The following BMPR1A variants were observed in gnomAD, a reference collection of about 807,000 sequenced individuals.
BMPR1A encodes the protein bone morphogenetic protein receptor type-1A.
Under a neutral mutation model 66.0 loss-of-function variants are expected in BMPR1A, and 7 were observed. That is an observed-to-expected ratio of 0.11 (90% CI 0.06 to 0.20). The LOEUF is 0.20. Ranked by LOEUF, BMPR1A falls within the 10% of genes least tolerant of loss-of-function variation. BMPR1A has a pLI of 1.00. For missense variants in BMPR1A, 408 were observed against 669.1 expected (o/e 0.61, Z 4.31); for synonymous variants, 200 against 229.7 (o/e 0.87, Z 1.17).
chr10:86,891,136 G>A (rs761311911), intron 4 of BMPR1A, among the ~76,000 whole-genome samples: 11 of 152,134 alleles, frequency 7.2e-5, no homozygotes, highest in Non-Finnish European at 1.3e-4. Context: ...GACGGTCATC[G>A]TGTCTTAGGT....
intron 1 of BMPR1A, among the ~76,000 whole-genome samples, chr10:86,826,290 C>T (rs1359240679): frequency 3.3e-5 from 5 of 151,958 alleles, no homozygotes; most frequent in African/African-American, 1.2e-4. Context: ...CATTTATTTT[C>T]TTCCCCAGAA....
intron 1 of BMPR1A, among the ~76,000 whole-genome samples, chr10:86,808,803 T>G (rs570285503): frequency 6.6e-6 from 1 of 152,332 alleles, no homozygotes; most frequent in East Asian, 1.9e-4. Flanking sequence ...GGTCAAACTT[T>G]GTCTGGTTTT....
At chr10:86,813,638 C>T (rs897570116) in intron 1 of BMPR1A, among the ~76,000 whole-genome samples, 6 of 152,164 alleles carry the variant, frequency 3.9e-5, no homozygotes, top group South Asian at 2.1e-4. Context: ...TCTTTGCATG[C>T]GCTCTCCATT....
chr10:86,881,311 GTAAA>G (rs1267204021), intron 3 of BMPR1A, among the ~76,000 whole-genome samples: 1 of 152,178 alleles, frequency 6.6e-6, no homozygotes, highest in Non-Finnish European at 1.5e-5. Context: ...TTGAAAACTG[GTAAA>G]TAGAGGGAGA....
At chr10:86,837,610 CAGA>C (rs1842371336) in intron 1 of BMPR1A, among the ~76,000 whole-genome samples, 2 of 152,176 alleles carry the variant, frequency 1.3e-5, no homozygotes, top group Non-Finnish European at 2.9e-5. Context: ...ATGAGCATCT[CAGA>C]AGAACACTGA....
At chr10:86,762,628 G>A (rs1228881635) in intron 1 of BMPR1A, among the ~76,000 whole-genome samples, 2 of 152,174 alleles carry the variant, frequency 1.3e-5, no homozygotes, top group African/African-American at 4.8e-5. Flanking sequence ...CAAAGTTCTG[G>A]GATTACAGGT....
intron 2 of BMPR1A, among the ~76,000 whole-genome samples, chr10:86,867,001 G>A (rs1842795259): frequency 1.3e-5 from 2 of 152,176 alleles, no homozygotes; most frequent in African/African-American, 4.8e-5. Context: ...ACAATGGGAT[G>A]CTAAGCAGGT....
At chr10:86,918,658 C>T (rs1843612175) in intron 9 of BMPR1A, among the ~76,000 whole-genome samples, 2 of 143,114 alleles carry the variant, frequency 1.4e-5, no homozygotes, top group African/African-American at 2.7e-5. Context: ...GAGTCTCATT[C>T]TGTCGCTCAG....
At chr10:86,917,085 A>C (rs1843581381) in intron 8 of BMPR1A, 49 bp from the exon 9 acceptor site, 1 of 1,597,530 alleles carries the variant, frequency 6.3e-7, no homozygotes, top group African/African-American at 1.3e-5. Context: ...GCCAGTCTTA[A>C]TGGGTTTCTT....
At chr10:86,858,434 A>G (rs1442957712) in intron 2 of BMPR1A, among the ~76,000 whole-genome samples, 2 of 152,168 alleles carry the variant, frequency 1.3e-5, no homozygotes, top group African/African-American at 4.8e-5. Context: ...GTGAAAGATG[A>G]AGACTGGAAG....
intron 11 of BMPR1A, 58 bp downstream of exon 11, chr10:86,921,753 GCTC>G: frequency 6.2e-7 from 1 of 1,608,960 alleles, no homozygotes. Context: ...AAAAATAACA[GCTC>G]CAGTTATATA....
intron 7 of BMPR1A, among the ~76,000 whole-genome samples, chr10:86,902,254 TG>T (rs1383905864): frequency 6.6e-6 from 1 of 152,228 alleles, no homozygotes; most frequent in African/African-American, 2.4e-5. Context: ...GTATTCATTT[TG>T]GGGGGCCTGT....
intron 2 of BMPR1A, chr10:86,856,061 C>T: frequency 1.7e-6 from 1 of 584,140 alleles, no homozygotes; most frequent in Non-Finnish European, 3.3e-6. Context: ...AACTCAGATG[C>T]TTCATAACAA....
intron 3 of BMPR1A, among the ~76,000 whole-genome samples, chr10:86,881,306 A>G (rs919268398): frequency 8.5e-5 from 13 of 152,202 alleles, no homozygotes; most frequent in African/African-American, 3.1e-4. Context: ...TAATTTTGAA[A>G]ACTGGTAAAT....
At chr10:86,848,006 A>G (rs1388916642) in intron 2 of BMPR1A, among the ~76,000 whole-genome samples, 2 of 151,104 alleles carry the variant, frequency 1.3e-5, no homozygotes, top group African/African-American at 2.4e-5. Context: ...ATCTTGGCTC[A>G]CTGCACCCTT....
rs1843708364 is a variant in BMPR1A, at chr10:86,924,147, T to C, written c.*428T>C. ...TTACCTGAGACTTTCAGTTCGTTTG[T>C]ATTCTACCTTTGTAAAACAGCCTAT... is the stretch of plus-strand genomic sequence containing the variant. On this transcript the variant is annotated 3_prime_UTR_variant, in exon 13 of 13. Coordinates refer to ENST00000372037, the MANE Select transcript of BMPR1A (RefSeq NM_004329.3). 5.7e-6 allele frequency: 2 copies of C among 348,300 alleles called. No individual in the cohort carries two copies. Among genetic ancestry groups the C allele is most frequent in the Non-Finnish European group, 1.1e-5 (2 of 187,904 alleles). The allele number at this position is 348,300 out of a possible 1,614,324, so 21.6% of individuals were successfully genotyped here. A position where few individuals can be genotyped will look rare whatever the true frequency, so the allele number is the denominator to read the frequency against.
At chr10:86,839,915 A>G (rs537157181) in intron 2 of BMPR1A, among the ~76,000 whole-genome samples, 3 of 151,746 alleles carry the variant, frequency 2.0e-5, no homozygotes, top group Non-Finnish European at 4.4e-5. Context: ...TCCCACCTCA[A>G]CCTCCCAAAG....
chr10:86,786,384 C>T (rs1415839683), intron 1 of BMPR1A, among the ~76,000 whole-genome samples: 1 of 152,106 alleles, frequency 6.6e-6, no homozygotes, highest in African/African-American at 2.4e-5. Flanking sequence ...TTTCAGGAGG[C>T]TTTCCCTCCC....
At chr10:86,920,316 C>T (rs1843643958) in intron 10 of BMPR1A, among the ~76,000 whole-genome samples, 1 of 152,108 alleles carries the variant, frequency 6.6e-6, no homozygotes, top group Non-Finnish European at 1.5e-5. Flanking sequence ...AGTTTACACA[C>T]CCGTAAGCAG....
Sources: gnomAD v4.1 joint callset for allele counts (sites outside exome capture counted in the v4.1 genomes callset) on GRCh38, gnomAD v4.1.1 for gene constraint, MANE v1.5 for transcripts, NCBI Gene and HGNC (gene_info 2026-07-23, HGNC 2026-07-21) for gene names.